The following LAMA2 variants were observed in gnomAD, a reference collection of about 807,000 sequenced individuals.
LAMA2 encodes laminin subunit alpha-2.
A neutral mutation model predicts 364.8 loss-of-function variants in LAMA2; 269 were observed. That is an observed-to-expected ratio of 0.74 (90% CI 0.67 to 0.82). The LOEUF is 0.82. Ranked by LOEUF, LAMA2 falls within the 40% of genes least tolerant of loss-of-function variation. The pLI, the probability that LAMA2 is intolerant of heterozygous loss-of-function variation, is 0.00. For synonymous variants in LAMA2, 1,379 were observed against 1,370.6 expected, an observed-to-expected ratio of 1.01 and a Z score of -0.14; for missense variants, 3,807 against 3,873.2, an observed-to-expected ratio of 0.98 and a Z score of 0.45.
intron 1 of LAMA2, among the ~76,000 whole-genome samples, chr6:129,039,716 T>C (rs1267747759): frequency 6.6e-6 from 1 of 152,180 alleles, no homozygotes; most frequent in African/African-American, 2.4e-5. Context: ...CCACCTCAGA[T>C]CATCAGCCAT....
intron 8 of LAMA2, among the ~76,000 whole-genome samples, chr6:129,165,172 G>C (rs1212507629): frequency 6.6e-6 from 1 of 150,888 alleles, no homozygotes; most frequent in African/African-American, 2.4e-5. Flanking sequence ...GGCATTTCTT[G>C]GGCAAATAAT....
chr6:129,254,201 G>T (rs1472379403), intron 14 of LAMA2, among the ~76,000 whole-genome samples: 1 of 152,180 alleles, frequency 6.6e-6, no homozygotes, highest in African/African-American at 2.4e-5. Context: ...ATTTACAGTG[G>T]ATTTACTTCC....
chr6:129,204,946 G>A lies in LAMA2; in HGVS notation c.1782+12093G>A, dbSNP rs143053451. ...GAAACGGTACTCAACCCGACTCATA[G>A]TATGCTAACTACACTGAGAAATCAT... On this transcript the variant is annotated intron_variant, in intron 12 of 64. Transcript: ENST00000421865. Among the ~76,000 whole-genome samples, 313 of 152,290 alleles carry A rather than the reference G, an allele frequency of 2.1e-3. 1 individual carries two copies. Among genetic ancestry groups the A allele is most frequent in the African/African-American group, 6.7e-3 (278 of 41,546 alleles).
At chr6:128,937,624 T>C (rs1562849806) in intron 1 of LAMA2, among the ~76,000 whole-genome samples, 1 of 152,060 alleles carries the variant, frequency 6.6e-6, no homozygotes, top group East Asian at 1.9e-4. Context: ...TCCTTTTTTA[T>C]TTCTGTTGCA....
chr6:129,110,570 C>T (rs907240228), intron 4 of LAMA2, among the ~76,000 whole-genome samples: 11 of 152,062 alleles, frequency 7.2e-5, no homozygotes, highest in African/African-American at 2.4e-4. Flanking sequence ...GTGTCAGTTA[C>T]AAGGCACTCT....
At chr6:129,318,659 C>T (rs1469617006) in intron 27 of LAMA2, among the ~76,000 whole-genome samples, 1 of 152,002 alleles carries the variant, frequency 6.6e-6, no homozygotes, top group Non-Finnish European at 1.5e-5. Flanking sequence ...GGTTTGCTTA[C>T]AGCTCACCAC....
intron 15 of LAMA2, 99 bp downstream of exon 15, chr6:129,260,921 T>C: frequency 2.6e-6 from 2 of 776,598 alleles, no homozygotes; most frequent in Non-Finnish European, 2.3e-6. Context: ...CTATCAATAA[T>C]TACACAAATA....
chr6:129,313,174 T>A, intron 23 of LAMA2, 77 bp downstream of exon 23: 1 of 867,554 alleles, frequency 1.2e-6, no homozygotes. Flanking sequence ...CTTCATTCAG[T>A]GTTTGTTATA....
chr6:129,418,295 A>G (rs1780902126), intron 40 of LAMA2, among the ~76,000 whole-genome samples: 1 of 151,894 alleles, frequency 6.6e-6, no homozygotes, highest in Non-Finnish European at 1.5e-5. Context: ...AAAGGTCTTG[A>G]GTGTTTCGGT....
chr6:129,162,255 CTAT>C (rs1779483784), intron 8 of LAMA2, among the ~76,000 whole-genome samples: 1 of 152,090 alleles, frequency 6.6e-6, no homozygotes, highest in South Asian at 2.1e-4. Context: ...ATCTTTTGGA[CTAT>C]TGTTTTCATA....
chr6:129,146,196 T>G (rs1778422021), intron 5 of LAMA2, among the ~76,000 whole-genome samples: 1 of 151,978 alleles, frequency 6.6e-6, no homozygotes, highest in Non-Finnish European at 1.5e-5. Context: ...ATAATAGAAC[T>G]ATCTAACGCT....
intron 40 of LAMA2, among the ~76,000 whole-genome samples, chr6:129,424,030 C>A (rs1781206485): frequency 6.6e-6 from 1 of 151,924 alleles, no homozygotes; most frequent in Non-Finnish European, 1.5e-5. Flanking sequence ...TCAATATTGA[C>A]AAATAGATTA....
rs561651447 is a variant in LAMA2, at chr6:129,206,335, C to G, written c.1782+13482C>G. ...GTGAGTTTGTCTCAAAAGCTCTGTTCTAGTGCCCCACTCAAGAACAGATAT... is the reference window on the plus strand; with the variant it reads ...GTGAGTTTGTCTCAAAAGCTCTGTTGTAGTGCCCCACTCAAGAACAGATAT... On this transcript the variant is annotated intron_variant, in intron 12 of 64. Transcript: ENST00000421865. Among the ~76,000 whole-genome samples the G allele has an allele frequency of 4.1e-4, 62 of 152,302 alleles. No homozygotes were observed. In the South Asian group the frequency reaches 0.012, roughly 31 times the overall value.
At chr6:129,145,301 A>G (rs1276042267) in intron 5 of LAMA2, among the ~76,000 whole-genome samples, 1 of 151,976 alleles carries the variant, frequency 6.6e-6, no homozygotes, top group Non-Finnish European at 1.5e-5. Flanking sequence ...ATAACTTTTA[A>G]GGCTTTAGTT....
intron 12 of LAMA2, among the ~76,000 whole-genome samples, chr6:129,212,838 A>C (rs1189051264): frequency 1.3e-5 from 2 of 152,230 alleles, no homozygotes; most frequent in African/African-American, 4.8e-5. Flanking sequence ...TGTTTGATTT[A>C]ATGTTGTTTA....
chr6:129,263,639 G>T (rs1312194947), intron 15 of LAMA2, among the ~76,000 whole-genome samples: 1 of 135,750 alleles, frequency 7.4e-6, no homozygotes, highest in Non-Finnish European at 1.6e-5. Flanking sequence ...TTGCACATAT[G>T]ATAAGAAATG....
intron 14 of LAMA2, among the ~76,000 whole-genome samples, chr6:129,253,867 G>C (rs956369390): frequency 6.6e-5 from 10 of 152,170 alleles, no homozygotes; most frequent in Non-Finnish European, 1.5e-4. Context: ...GCGCGGCTCT[G>C]TGAAATGACA....
intron 41 of LAMA2, 81 bp from the exon 42 acceptor site, chr6:129,438,560 TTAAAA>T: frequency 1.5e-6 from 1 of 681,434 alleles, no homozygotes; most frequent in South Asian, 1.7e-5. Flanking sequence ...TAATTTTATA[TTAAAA>T]TAACCTGAAA....
At chr6:129,425,342 C>T (rs532510921) in intron 40 of LAMA2, among the ~76,000 whole-genome samples, 1 of 152,128 alleles carries the variant, frequency 6.6e-6, no homozygotes, top group South Asian at 2.1e-4. Flanking sequence ...AGATTTTAGC[C>T]TCTTTCACTG....
Sources: gnomAD v4.1 joint callset for allele counts (sites outside exome capture counted in the v4.1 genomes callset) on GRCh38, gnomAD v4.1.1 for gene constraint, MANE v1.5 for transcripts, NCBI Gene and HGNC (gene_info 2026-07-23, HGNC 2026-07-21) for gene names.